EP400: variants seen among roughly 807,000 people sequenced by gnomAD.
The protein encoded by EP400 is E1A binding protein p400, also known as E1A-binding protein p400.
In EP400, 105 loss-of-function variants were observed where a neutral mutation model predicts 354.1. The observed-to-expected ratio is 0.30, with a 90% CI of 0.25 to 0.35. The LOEUF is 0.35. Ranked by LOEUF, EP400 falls within the 10% of genes least tolerant of loss-of-function variation. The pLI is 1.00. For missense variants in EP400, 3,280 were observed against 4,121.0 expected (o/e 0.80, Z 5.59); for synonymous variants, 1,646 against 1,716.9 (o/e 0.96, Z 1.02).
chr12:131,985,487 C>T lies in EP400; in HGVS notation c.1930-1027C>T, dbSNP rs147268758. Among the ~76,000 whole-genome samples the T allele has an allele frequency of 3.9e-5, 6 of 152,342 alleles. No individual in the cohort carries two copies. The East Asian group carries it at 7.7e-4, about 20-fold the overall frequency. On this transcript the variant is annotated intron_variant, in intron 5 of 52. Transcript: ENST00000389561. The stretch of plus-strand genomic sequence containing the variant: ...GTTCTGTCTCCCTTCAGCTTTTGAA[C>T]GGGCTAAATCTTGTGTGAGCCTTCA...
Position 132,028,603 on chromosome 12 carries a change from A to G in EP400, c.5381+315A>G, listed in dbSNP as rs574681602. On this transcript the variant is annotated intron_variant, in intron 27 of 52. Transcript: ENST00000389561. ...GGACTTTCTCCATTTGACTCTTTCA[A>G]AAAATGATTGCATTAAAAGAGCCCC... Among the ~76,000 whole-genome samples, 211 of 152,366 alleles carry G rather than the reference A, an allele frequency of 1.4e-3. 1 individual carries two copies. Among genetic ancestry groups the G allele is most frequent in the African/African-American group, 4.9e-3 (204 of 41,586 alleles).
chr12:131,950,363 G>C (rs999098796), intron 1 of EP400, among the ~76,000 whole-genome samples: 3 of 152,144 alleles, frequency 2.0e-5, no homozygotes, highest in Non-Finnish European at 4.4e-5. Context: ...TGCGGGAACC[G>C]GGGGACTCCG....
At chr12:131,971,977 A>G (rs763766411) in intron 2 of EP400, among the ~76,000 whole-genome samples, 1 of 152,122 alleles carries the variant, frequency 6.6e-6, no homozygotes, top group Admixed American at 6.5e-5. Context: ...TGTATTTCCT[A>G]ATTAAAAATT....
intron 12 of EP400, among the ~76,000 whole-genome samples, chr12:132,000,005 C>T: frequency 6.7e-6 from 1 of 148,364 alleles, no homozygotes. Context: ...AATCTGGCGC[C>T]TGTATATTGT....
At position 132,024,179 on chromosome 12, in the gene EP400, C is replaced by T. The variant is rs181476766; in HGVS notation, c.4855+238C>T. 3.7e-3 allele frequency among the ~76,000 whole-genome samples: 570 copies of T among 152,316 alleles called. 3 individuals are homozygous for T. The highest frequency in any genetic ancestry group is 6.9e-3 in the Non-Finnish European group (470 of 68,024). Reference sequence around the variant, plus strand: ...CAGGCACTTTCGTTACCAGCATCTGCGCTTTGAAGAGAGTTTCGTATTTTG... The same window carrying T: ...CAGGCACTTTCGTTACCAGCATCTGTGCTTTGAAGAGAGTTTCGTATTTTG... On this transcript the variant is annotated intron_variant, in intron 24 of 52. Coordinates refer to ENST00000389561, the MANE Select transcript of EP400 (RefSeq NM_015409.5).
intron 51 of EP400, 77 bp from the exon 52 acceptor site, chr12:132,076,439 C>G: frequency 6.9e-7 from 1 of 1,442,840 alleles, no homozygotes. Flanking sequence ...TAACTGAGGA[C>G]AGAAAGGGAG....
chr12:131,987,836 G>T lies in EP400; in HGVS notation c.2355G>T (p.Trp785Cys), dbSNP rs1593328296. ...HWDYLLEEMQ[W>C]MATDFAQERR... The stretch of plus-strand genomic sequence containing the variant: ...ACTATCTGCTGGAGGAGATGCAGTG[G>T]ATGGCCACAGACTTTGCCCAGGAGA... The change falls in exon 7 of 53, where the codon TGG (tryptophan) becomes TGT (cysteine). Residue 785 changes from tryptophan to cysteine, a missense_variant. Around this residue, in one of 20 missense-constraint regions of EP400, gnomAD observed 800 missense variants for 840.0 expected, o/e 0.95. Transcript: ENST00000389561. The T allele has an allele frequency of 6.2e-7, 1 of 1,613,608 alleles. No homozygotes were observed. Among genetic ancestry groups the T allele is most frequent in the Admixed American group, 1.7e-5 (1 of 59,934 alleles).
chr12:131,975,629 G>A (rs553473917), intron 2 of EP400, among the ~76,000 whole-genome samples: 3 of 151,430 alleles, frequency 2.0e-5, no homozygotes, highest in Non-Finnish European at 2.9e-5. Context: ...GCGTTCTTTC[G>A]GCTCACTGCA....
intron 45 of EP400, among the ~76,000 whole-genome samples, chr12:132,056,826 A>G (rs1345231624): frequency 6.6e-6 from 1 of 152,244 alleles, no homozygotes; most frequent in African/African-American, 2.4e-5. Flanking sequence ...AAATATAAAG[A>G]TTCTTCAACT....
rs534312230 is a variant in EP400 at position 132,075,624 on chromosome 12, C to T, written c.9022-892C>T. 1.1e-4 allele frequency: 16 copies of T among 152,294 alleles called. No homozygotes were observed. The highest frequency in any genetic ancestry group is 2.1e-4 in the Non-Finnish European group (14 of 68,026). 9.4% of individuals were successfully genotyped at this position (152,294 alleles called of 1,614,324 possible). On this transcript the variant is annotated intron_variant, in intron 51 of 52. Coordinates refer to ENST00000389561, the MANE Select transcript of EP400 (RefSeq NM_015409.5). This position sits in a 1 kb window ranked among gnomAD's most constrained non-coding sequence, Gnocchi z 4.5. ...TTATAATTGTTTAAGTGACAGTAAA[C>T]TAGTAAATGCCTTCTGATTGATTTT...
Position 131,967,445 on chromosome 12 carries a change from T to C in EP400, c.1335+5491T>C, listed in dbSNP as rs183493189. Among the ~76,000 whole-genome samples the C allele has an allele frequency of 1.8e-3, 272 of 150,216 alleles. 4 individuals are homozygous for C. The East Asian group carries it at 0.046, about 25-fold the overall frequency. ...GCTCATGCCTGTAATCCCAGCACTTTGGGAGGCCGAGGCTGGCAGATCAGT... is the reference window on the plus strand; with the variant it reads ...GCTCATGCCTGTAATCCCAGCACTTCGGGAGGCCGAGGCTGGCAGATCAGT... On this transcript the variant is annotated intron_variant, in intron 2 of 52. Coordinates refer to ENST00000389561, the MANE Select transcript of EP400 (RefSeq NM_015409.5).
chr12:131,982,624 C>G (rs1020265535), intron 5 of EP400, 146 bp downstream of exon 5: 1 of 989,946 alleles, frequency 1.0e-6, no homozygotes, highest in African/African-American at 1.6e-5. Context: ...TTACTCAATT[C>G]AGTACTTGCA....
At chr12:131,956,198 T>C (rs1298579464) in intron 1 of EP400, among the ~76,000 whole-genome samples, 2 of 152,140 alleles carry the variant, frequency 1.3e-5, no homozygotes, top group Non-Finnish European at 2.9e-5. Context: ...AACTGTGTTG[T>C]GGGTGTGTCA....
chr12:132,067,065 C>G lies in EP400; in HGVS notation c.8749+96C>G, dbSNP rs774835522. ...TCGCCAGCGACCCGTGTTCTTTCCT[C>G]ACACCCACCCACTTGAGCGTGCCAT... On this transcript the variant is annotated intron_variant, in intron 49 of 52. Coordinates refer to ENST00000389561, the MANE Select transcript of EP400 (RefSeq NM_015409.5). This position sits in a 1 kb window ranked among gnomAD's most constrained non-coding sequence, Gnocchi z 5.3. The G allele has an allele frequency of 4.3e-6, 6 of 1,383,060 alleles. No homozygotes were observed. The highest frequency in any genetic ancestry group is 3.8e-6 in the Non-Finnish European group (4 of 1,050,314). 85.7% of individuals were successfully genotyped at this position (1,383,060 alleles called of 1,614,324 possible).
intron 25 of EP400, among the ~76,000 whole-genome samples, chr12:132,026,145 C>A (rs1272256699): frequency 6.6e-6 from 1 of 152,186 alleles, no homozygotes; most frequent in Non-Finnish European, 1.5e-5. Context: ...GTGTGGCCGC[C>A]CACGCAGGGT....
chr12:131,962,872 A>G (rs956136134), intron 2 of EP400, among the ~76,000 whole-genome samples: 2 of 152,268 alleles, frequency 1.3e-5, no homozygotes, highest in African/African-American at 4.8e-5. Flanking sequence ...TCTTCTGCAA[A>G]GAAATCTGCT....
chr12:132,005,281 G>T, intron 13 of EP400, 97 bp downstream of exon 13: 2 of 808,840 alleles, frequency 2.5e-6, no homozygotes, highest in Non-Finnish European at 3.6e-6. Flanking sequence ...CTTTTAGTTT[G>T]ATAAAATAAA....
chr12:132,071,147 G>A (rs1896055108), intron 51 of EP400, among the ~76,000 whole-genome samples: 1 of 152,140 alleles, frequency 6.6e-6, no homozygotes, highest in Non-Finnish European at 1.5e-5. Context: ...AGAAAATTCT[G>A]TTCTTTTCTA....
chr12:132,021,429 C>T (rs1309406351), intron 23 of EP400, 108 bp downstream of exon 23: 15 of 1,386,648 alleles, frequency 1.1e-5, no homozygotes, highest in Non-Finnish European at 1.4e-5. Context: ...CTTTGTCTTT[C>T]CCCAGCCCCA....
Sources: gnomAD v4.1 joint callset for allele counts (sites outside exome capture counted in the v4.1 genomes callset) on GRCh38, gnomAD v4.1.1 for gene constraint, gnomAD v4.1.1 regional missense constraint, Gnocchi (gnomAD v3.1) non-coding constraint, MANE v1.5 for transcripts, NCBI Gene and HGNC (gene_info 2026-07-23, HGNC 2026-07-21) for gene names.